PDIA6: variants seen among roughly 807,000 people sequenced by gnomAD.
PDIA6 encodes the protein protein disulfide-isomerase A6.
In PDIA6, 29 loss-of-function variants were observed where a neutral mutation model predicts 58.4. That is an observed-to-expected ratio of 0.50 (90% CI 0.37 to 0.68). The LOEUF (loss-of-function observed/expected upper bound fraction) is 0.68. Ranked by LOEUF, PDIA6 falls within the 30% of genes least tolerant of loss-of-function variation. PDIA6 has a pLI of 0.00. For synonymous variants in PDIA6, 192 were observed against 202.6 expected (o/e 0.95, Z 0.44); for missense variants, 480 against 551.0 (o/e 0.87, Z 1.29).
intron 1 of PDIA6, among the ~76,000 whole-genome samples, chr2:10,829,573 C>G (rs915091840): frequency 6.6e-6 from 1 of 152,220 alleles, no homozygotes; most frequent in African/African-American, 2.4e-5. Flanking sequence ...AATTTTTCTG[C>G]CTTTCACTGA....
Position 10,786,410 on chromosome 2 carries a change from AG to A in PDIA6, c.1157+870del, listed in dbSNP as rs771971943. Among the ~76,000 whole-genome samples the A allele has an allele frequency of 1.3e-3, 191 of 152,296 alleles. 1 individual carries two copies. Among genetic ancestry groups the A allele is most frequent in the Non-Finnish European group, 2.0e-3 (135 of 68,026 alleles). Reference sequence around the variant, plus strand: ...GAGCCACAGTCTGCCCCCCGCCGGCAGAGGCTGAAGCAGCTGATCTCACAGG... The same window carrying A: ...GAGCCACAGTCTGCCCCCCGCCGGCAAGGCTGAAGCAGCTGATCTCACAGG... On this transcript the variant is annotated intron_variant, in intron 11 of 12. Coordinates refer to ENST00000272227, the MANE Select transcript of PDIA6 (RefSeq NM_005742.4).
chr2:10,828,460 T>G (rs758208019), intron 1 of PDIA6, among the ~76,000 whole-genome samples: 1 of 152,166 alleles, frequency 6.6e-6, no homozygotes, highest in Non-Finnish European at 1.5e-5. Context: ...GTAGGGTGTG[T>G]GCCCCCTCCA....
intron 12 of PDIA6, 153 bp downstream of exon 12, chr2:10,784,781 G>A (rs756006856): frequency 1.8e-5 from 11 of 598,704 alleles, no homozygotes; most frequent in Non-Finnish European, 3.3e-5. Context: ...TAAGGAAGAT[G>A]AAGGGTCTTC....
intron 1 of PDIA6, among the ~76,000 whole-genome samples, chr2:10,819,691 G>A (rs1327844043): frequency 6.6e-6 from 1 of 152,168 alleles, no homozygotes; most frequent in Non-Finnish European, 1.5e-5. Context: ...CATTTCCAAG[G>A]AAAGAGGAAC....
rs112728396 is a variant in PDIA6, at chr2:10,784,921, C to T, written c.1254+13G>A. ...GGACTGCTGCCCGCACAGCTTCCCT[C>T]CCGGGCACTCACCTCGCCATCCCTG... On this transcript the variant is annotated intron_variant, in intron 12 of 12. Transcript: ENST00000272227. The T allele has an allele frequency of 6.5e-7, 1 of 1,549,422 alleles. No individual in the cohort carries two copies. Among genetic ancestry groups the T allele is most frequent in the Non-Finnish European group, 8.8e-7 (1 of 1,137,014 alleles).
chr2:10,818,501 T>A (rs1174470970), intron 2 of PDIA6, among the ~76,000 whole-genome samples: 3 of 124,820 alleles, frequency 2.4e-5, no homozygotes, highest in African/African-American at 3.0e-5. Flanking sequence ...TTTATTTATT[T>A]ATTTATTTAT....
intron 1 of PDIA6, among the ~76,000 whole-genome samples, chr2:10,806,882 T>G (rs1666790525): frequency 6.6e-6 from 1 of 152,170 alleles, no homozygotes; most frequent in Non-Finnish European, 1.5e-5. Flanking sequence ...ATTTATAACC[T>G]AAGAGAAATA....
intron 8 of PDIA6, 75 bp downstream of exon 8, chr2:10,789,674 G>T: frequency 7.4e-7 from 1 of 1,347,156 alleles, no homozygotes; most frequent in Non-Finnish European, 1.1e-6. Context: ...AATGAACAGT[G>T]TGTCACACTG....
chr2:10,820,483 G>A (rs1667350952), intron 1 of PDIA6, among the ~76,000 whole-genome samples: 1 of 152,194 alleles, frequency 6.6e-6, no homozygotes, highest in Non-Finnish European at 1.5e-5. Flanking sequence ...TGGTGGACAT[G>A]TCCAGCCCCC....
intron 1 of PDIA6, among the ~76,000 whole-genome samples, chr2:10,803,170 A>AT (rs1299817591): frequency 4.6e-5 from 7 of 152,132 alleles, no homozygotes; most frequent in Non-Finnish European, 1.0e-4. Flanking sequence ...ATTTATTTAT[A>AT]TTTTGAGACG....
intron 5 of PDIA6, among the ~76,000 whole-genome samples, 155 bp downstream of exon 5, chr2:10,792,941 G>A (rs1210932493): frequency 6.6e-6 from 1 of 152,178 alleles, no homozygotes; most frequent in Non-Finnish European, 1.5e-5. Flanking sequence ...CTGGAGGGCT[G>A]GTTCCCTCTG....
chr2:10,791,824 G>A lies in PDIA6; in HGVS notation c.555C>T (p.Phe185=). ...LDSEDVWMVE[F]YAPWCGHCKN... ...TGCAGTGTCCACACCAAGGAGCATA[G>A]AACTCAACCATCCAAACATCTTCAC... The change falls in exon 6 of 13, where the codon TTC becomes TTT. Residue 185 remains phenylalanine, a synonymous_variant. Coordinates refer to ENST00000272227, the MANE Select transcript of PDIA6 (RefSeq NM_005742.4). 1 of 1,614,100 alleles carries A rather than the reference G, an allele frequency of 6.2e-7. No homozygotes were observed. Among genetic ancestry groups the A allele is most frequent in the African/African-American group, 1.3e-5 (1 of 75,054 alleles).
intron 1 of PDIA6, among the ~76,000 whole-genome samples, chr2:10,822,729 A>G (rs747202133): frequency 3.3e-5 from 5 of 152,226 alleles, no homozygotes; most frequent in African/African-American, 4.8e-5. Context: ...GCATTTGGGT[A>G]TATGTTCTGG....
chr2:10,791,724 C>T, intron 6 of PDIA6, 71 bp downstream of exon 6: 1 of 1,404,754 alleles, frequency 7.1e-7, no homozygotes, highest in Non-Finnish European at 9.8e-7. Flanking sequence ...TACTTCAGCT[C>T]TTTCAAAATA....
intron 1 of PDIA6, among the ~76,000 whole-genome samples, chr2:10,831,574 G>T (rs1455447851): frequency 6.6e-6 from 1 of 152,086 alleles, no homozygotes; most frequent in Non-Finnish European, 1.5e-5. Context: ...TGCTGATTTG[G>T]GTGCAATAAG....
intron 4 of PDIA6, among the ~76,000 whole-genome samples, chr2:10,793,807 A>C (rs1666145524): frequency 6.6e-6 from 1 of 152,236 alleles, no homozygotes; most frequent in Non-Finnish European, 1.5e-5. Flanking sequence ...AAAGCAGGGG[A>C]ATTTCCCAAA....
chr2:10,802,051 G>C (rs528937359), intron 2 of PDIA6, among the ~76,000 whole-genome samples: 1 of 152,284 alleles, frequency 6.6e-6, no homozygotes, highest in African/African-American at 2.4e-5. Context: ...CAAATAACTA[G>C]TGCAATGTTG....
chr2:10,784,540 C>T, intron 12 of PDIA6: 1 of 515,804 alleles, frequency 1.9e-6, no homozygotes, highest in South Asian at 2.9e-5. Context: ...CATCACTCAC[C>T]ATTTTAACAC....
intron 1 of PDIA6, among the ~76,000 whole-genome samples, chr2:10,820,221 G>GA (rs1474586124): frequency 2.0e-5 from 3 of 152,146 alleles, no homozygotes; most frequent in Non-Finnish European, 4.4e-5. Context: ...GGGGGTCCCG[G>GA]AAAAATGGGT....
Sources: allele counts gnomAD v4.1 joint callset (sites outside exome capture counted in the v4.1 genomes callset), GRCh38; gene constraint gnomAD v4.1.1; transcripts MANE v1.5; gene names NCBI Gene and HGNC (gene_info 2026-07-23, HGNC 2026-07-21).